DCHS2: variants seen among roughly 807,000 people sequenced by gnomAD.
DCHS2 encodes dachsous cadherin-related 2, also known as protocadherin-23.
A neutral mutation model predicts 182.4 loss-of-function variants in DCHS2; 142 were observed. The ratio of observed to expected loss-of-function variants is 0.78; its 90% CI spans 0.68 to 0.89. The LOEUF is 0.89. DCHS2 is among the 40% of genes least tolerant of loss of function. The probability of loss-of-function intolerance (pLI) is 0.00; values close to 1 mark genes in which losing one functional copy is unlikely to be tolerated. For missense variants in DCHS2, 4,319 were observed against 4,198.6 expected (o/e 1.03, Z -0.79); for synonymous variants, 1,740 against 1,663.3 (o/e 1.05, Z -1.12).
At chr4:154,316,522 C>T (rs909709261) in intron 9 of DCHS2, among the ~76,000 whole-genome samples, 3 of 152,118 alleles carry the variant, frequency 2.0e-5, no homozygotes, top group Admixed American at 1.3e-4. Flanking sequence ...GCGGCTTACA[C>T]TTGTAATCCC....
In DCHS2 at chr4:154,333,689, T is replaced by A. The variant is rs923779718; in HGVS notation, c.2714-195A>T. ...CCTTTTCTGTGCTCACATACATAAA[T>A]CCTTACCATTGGGGTACAACTGCCT... On this transcript the variant is annotated intron_variant, in intron 4 of 19. Transcript: ENST00000357232. 11 of 632,432 alleles carry A rather than the reference T, an allele frequency of 1.7e-5. 1 individual carries two copies. The South Asian group carries it at 2.2e-4, about 13-fold the overall frequency. 39.2% of individuals were successfully genotyped at this position (632,432 alleles called of 1,614,324 possible). A position where few individuals can be genotyped will look rare whatever the true frequency, so the allele number is the denominator to read the frequency against.
intron 2 of DCHS2, 142 bp downstream of exon 2, chr4:154,377,111 C>A: frequency 2.7e-6 from 2 of 742,942 alleles, no homozygotes; most frequent in Non-Finnish European, 2.1e-6. Context: ...ATATTTGCTT[C>A]AAAAAACTTC....
chr4:154,338,940 G>T (rs561014744), intron 3 of DCHS2, among the ~76,000 whole-genome samples: 1 of 152,238 alleles, frequency 6.6e-6, no homozygotes, highest in South Asian at 2.1e-4. Flanking sequence ...TGTAGATATA[G>T]ATATCTATAG....
intron 1 of DCHS2, among the ~76,000 whole-genome samples, chr4:154,456,348 G>C (rs149152104): frequency 3.7e-4 from 56 of 152,270 alleles, no homozygotes; most frequent in African/African-American, 1.3e-3. Context: ...ATCATCAACA[G>C]TGCAGTAGCT....
chr4:154,376,721 T>A (rs925815731), intron 2 of DCHS2, among the ~76,000 whole-genome samples: 16 of 152,174 alleles, frequency 1.1e-4, no homozygotes, highest in African/African-American at 3.9e-4. Context: ...CTGTCTCTAA[T>A]GCTAGTTTAT....
chr4:154,333,482 G>T lies in DCHS2; in HGVS notation c.2726C>A (p.Pro909Gln). Reference sequence around the variant, plus strand: ...ACCAGAAGAAATCCTGTAAAAGATTGGTTCTGAGGAGTCTGAAAAAGAGAG... The same window carrying T: ...ACCAGAAGAAATCCTGTAAAAGATTTGTTCTGAGGAGTCTGAAAAAGAGAG... Reference protein sequence around the residue: ...KAREPLNSSEPIFYRISSGDL... With the variant: ...KAREPLNSSEQIFYRISSGDL... The change falls in exon 5 of 20, where the codon CCA becomes CAA. Residue 909 changes from proline to glutamine, a missense_variant. Coordinates refer to ENST00000357232, the MANE Select transcript of DCHS2 (RefSeq NM_001358235.2). 1 of 1,607,558 alleles carries T rather than the reference G, an allele frequency of 6.2e-7. No homozygotes were observed. Among genetic ancestry groups the T allele is most frequent in the African/African-American group, 1.3e-5 (1 of 74,852 alleles).
At chr4:154,264,470 G>A (rs1733146034) in intron 14 of DCHS2, among the ~76,000 whole-genome samples, 1 of 152,092 alleles carries the variant, frequency 6.6e-6, no homozygotes, top group Non-Finnish European at 1.5e-5. Flanking sequence ...AGAATGAAGA[G>A]AAAGACAGAT....
intron 16 of DCHS2, among the ~76,000 whole-genome samples, chr4:154,244,217 T>A (rs146098740): frequency 1.6e-3 from 245 of 152,322 alleles, no homozygotes; most frequent in African/African-American, 5.7e-3. Flanking sequence ...CCTTATTTGC[T>A]TTTCTATAGT....
intron 16 of DCHS2, among the ~76,000 whole-genome samples, chr4:154,246,747 T>A (rs538817570): frequency 6.6e-6 from 1 of 152,130 alleles, no homozygotes; most frequent in Admixed American, 6.6e-5. Context: ...AACAAATATA[T>A]AATATCCTCT....
At chr4:154,277,017 A>C (rs1050339809) in intron 13 of DCHS2, among the ~76,000 whole-genome samples, 1 of 152,214 alleles carries the variant, frequency 6.6e-6, no homozygotes, top group Non-Finnish European at 1.5e-5. Flanking sequence ...TCTTCTTTGC[A>C]GTTCTGTAGT....
At position 154,237,317 on chromosome 4, in the gene DCHS2, A is replaced by G. The variant is rs1731579543; in HGVS notation, c.7493-158T>C. The G allele has an allele frequency of 1.8e-5, 18 of 983,440 alleles. 1 individual carries two copies. The South Asian group carries it at 3.6e-4, about 20-fold the overall frequency. The allele number at this position is 983,440 out of a possible 1,614,324, so 60.9% of individuals were successfully genotyped here. A position where few individuals can be genotyped will look rare whatever the true frequency, so the allele number is the denominator to read the frequency against. ...ATGACTCCAAATAGAAATACAAATT[A>G]TTGTATTTATATGTTTATAACATGT... On this transcript the variant is annotated intron_variant, in intron 19 of 19. Transcript: ENST00000357232.
At chr4:154,456,226 C>T (rs1734760619) in intron 1 of DCHS2, among the ~76,000 whole-genome samples, 1 of 152,136 alleles carries the variant, frequency 6.6e-6, no homozygotes, top group Admixed American at 6.5e-5. Flanking sequence ...AGTATCTCTC[C>T]ACCAGGAAAC....
At chr4:154,343,355 T>C (rs2111389736) in intron 3 of DCHS2, 1 of 1,061,528 alleles carries the variant, frequency 9.4e-7, no homozygotes, top group Non-Finnish European at 1.2e-6. Flanking sequence ...CCCTTTTAAG[T>C]TCTGAAGCCA....
chr4:154,326,770 C>A (rs1267989869), intron 7 of DCHS2, among the ~76,000 whole-genome samples: 1 of 152,030 alleles, frequency 6.6e-6, no homozygotes, highest in Non-Finnish European at 1.5e-5. Flanking sequence ...TGAATCAATA[C>A]AATAGTGTTT....
intron 13 of DCHS2, among the ~76,000 whole-genome samples, chr4:154,290,192 A>G (rs1167938458): frequency 6.6e-6 from 1 of 152,130 alleles, no homozygotes; most frequent in African/African-American, 2.4e-5. Flanking sequence ...CTCATTTACA[A>G]TAGCTACAAA....
Position 154,489,630 on chromosome 4 carries a change from G to A in DCHS2, c.1726C>T (p.Leu576=), listed in dbSNP as rs770092197. The change falls in exon 1 of 20, where the codon CTG becomes TTG. Residue 576 remains leucine, a synonymous_variant. Transcript: ENST00000357232. ...GAGAGTTGGACTACAGTGTAGCGCA[G>A]CCAGGCGTGATCACTGCCTGCCTCG... ...ADEAGSDHAW[L]RYTVVQLSAP... is the part of the protein sequence containing the mutation. 19 of 1,551,496 alleles carry A rather than the reference G, an allele frequency of 1.2e-5. No homozygotes were observed. In the South Asian group the frequency reaches 2.1e-4, roughly 17 times the overall value.
chr4:154,397,188 T>A (rs1201303033), intron 1 of DCHS2, among the ~76,000 whole-genome samples: 5 of 152,188 alleles, frequency 3.3e-5, no homozygotes. Context: ...TAAGTCAGCA[T>A]GGGAAAGAGA....
At chr4:154,444,152 A>G (rs78150138) in intron 1 of DCHS2, among the ~76,000 whole-genome samples, 2,423 of 152,174 alleles carry the variant, frequency 0.016, 64 homozygotes, top group African/African-American at 0.054. Context: ...TGGGGCCCAA[A>G]CTAATGGTTT....
intron 7 of DCHS2, among the ~76,000 whole-genome samples, chr4:154,325,754 A>AT (rs1736257185): frequency 6.6e-6 from 1 of 152,150 alleles, no homozygotes; most frequent in Non-Finnish European, 1.5e-5. Context: ...TTATAGGTAA[A>AT]TAAGTTCGGA....
Sources: allele counts gnomAD v4.1 joint callset (sites outside exome capture counted in the v4.1 genomes callset), GRCh38; gene constraint gnomAD v4.1.1; transcripts MANE v1.5; gene names NCBI Gene and HGNC (gene_info 2026-07-23, HGNC 2026-07-21).